Variants in PDE4D observed in about 807,000 individuals in gnomAD.
PDE4D encodes the protein phosphodiesterase 4D.
A neutral mutation model predicts 87.4 loss-of-function variants in PDE4D; 24 were observed. The observed-to-expected ratio is 0.27, with a 90% CI of 0.20 to 0.39. The LOEUF (loss-of-function observed/expected upper bound fraction) is 0.39. Among genes scored for constraint, PDE4D ranks in the 10% least tolerant of loss-of-function variants. PDE4D has a pLI of 1.00. For missense variants in PDE4D, 714 were observed against 1,041.0 expected (o/e 0.69, Z 4.32); for synonymous variants, 384 against 383.2 (o/e 1.00, Z -0.02).
At chr5:60,310,428 G>A (rs1035229426) in intron 1 of PDE4D, among the ~76,000 whole-genome samples, 1 of 152,170 alleles carries the variant, frequency 6.6e-6, no homozygotes, top group Non-Finnish European at 1.5e-5. Context: ...ACTTGGAGAA[G>A]GGAAGGTTTA....
At chr5:59,566,356 G>T (rs1291078380) in intron 1 of PDE4D, among the ~76,000 whole-genome samples, 1 of 152,026 alleles carries the variant, frequency 6.6e-6, no homozygotes, top group Non-Finnish European at 1.5e-5. Flanking sequence ...ACCACATAAG[G>T]TTCTCTCTCT....
chr5:60,233,071 T>C (rs897579783), intron 1 of PDE4D, among the ~76,000 whole-genome samples: 3 of 151,628 alleles, frequency 2.0e-5, no homozygotes, highest in African/African-American at 7.3e-5. Context: ...TCCATATAAA[T>C]ACCTCAAAGT....
At chr5:59,967,548 A>G (rs547441999) in intron 3 of PDE4D, among the ~76,000 whole-genome samples, 65 of 152,252 alleles carry the variant, frequency 4.3e-4, no homozygotes, top group South Asian at 1.5e-3. Context: ...AAACCACAAT[A>G]AGATACCATC....
At chr5:60,372,145 T>G (rs564232898) in intron 1 of PDE4D, among the ~76,000 whole-genome samples, 7,422 of 152,216 alleles carry the variant, frequency 0.049, 246 homozygotes, top group Non-Finnish European at 0.07. Context: ...TGTCAGTCTT[T>G]TTTATTTTAG....
At position 58,969,230 on chromosome 5, in the gene PDE4D, G is replaced by C. The variant is rs2153284003; in HGVS notation, c.*5434C>G. 6.6e-6 allele frequency: 1 copy of C among 152,276 alleles called. No homozygotes were observed. Among genetic ancestry groups the C allele is most frequent in the Non-Finnish European group, 1.5e-5 (1 of 68,026 alleles). 9.4% of individuals were successfully genotyped at this position (152,276 alleles called of 1,614,324 possible). A position where few individuals can be genotyped will look rare whatever the true frequency, so the allele number is the denominator to read the frequency against. On this transcript the variant is annotated 3_prime_UTR_variant, in exon 15 of 15. Transcript: ENST00000340635. ...CTCATGGAGCTGTGGTCTGGTGGGA[G>C]AGACAGATAACAAAAACAAACACGT...
intron 1 of PDE4D, among the ~76,000 whole-genome samples, chr5:59,604,776 G>A (rs1352353295): frequency 6.6e-6 from 1 of 151,934 alleles, no homozygotes; most frequent in African/African-American, 2.4e-5. Context: ...CAGATTGTGA[G>A]GGGGTGGGAA....
intron 1 of PDE4D, among the ~76,000 whole-genome samples, chr5:59,252,119 T>C (rs1581614260): frequency 6.6e-6 from 1 of 152,116 alleles, no homozygotes; most frequent in African/African-American, 2.4e-5. Context: ...AACCAACCCC[T>C]GTGACATGAG....
At chr5:60,227,254 C>T (rs752687876) in intron 1 of PDE4D, among the ~76,000 whole-genome samples, 42 of 151,980 alleles carry the variant, frequency 2.8e-4, no homozygotes, top group Non-Finnish European at 5.1e-4. Context: ...GTGGATATGC[C>T]TAATATATGA....
rs116696924 is a variant in PDE4D at position 60,284,115 on chromosome 5, C to T, written c.-89-98428G>A. ...ACAAATTTCTGTTAAAATTGTCATG[C>T]AAAATAACTAAATAGTACACTTTGG... On this transcript the variant is annotated intron_variant, in intron 1 of 16. Transcript: ENST00000502484. 2.6e-5 allele frequency among the ~76,000 whole-genome samples: 4 copies of T among 152,038 alleles called. No homozygotes were observed. In the East Asian group the frequency reaches 7.7e-4, roughly 29 times the overall value.
intron 5 of PDE4D, among the ~76,000 whole-genome samples, chr5:59,156,331 A>ATATATATATATATCTG (rs1384479557): frequency 8.1e-6 from 1 of 122,768 alleles, no homozygotes; most frequent in African/African-American, 3.4e-5. Flanking sequence ...ATATATATAT[A>ATATATATATATATCTG]TGTGTGTGTG....
chr5:59,761,525 T>C (rs1761965279), intron 1 of PDE4D, among the ~76,000 whole-genome samples: 4 of 152,286 alleles, frequency 2.6e-5, no homozygotes, highest in Admixed American at 2.0e-4. Context: ...TATATCTTTA[T>C]TCTATAAGCT....
intron 1 of PDE4D, among the ~76,000 whole-genome samples, chr5:59,662,505 C>G (rs1358804494): frequency 6.6e-6 from 1 of 152,152 alleles, no homozygotes; most frequent in Non-Finnish European, 1.5e-5. Context: ...AATCTTATTA[C>G]TCATAAAGTT....
At chr5:59,941,349 G>C (rs1329183157) in intron 3 of PDE4D, among the ~76,000 whole-genome samples, 1 of 152,136 alleles carries the variant, frequency 6.6e-6, no homozygotes, top group African/African-American at 2.4e-5. Context: ...ACCTTATATT[G>C]TTCAACACAC....
chr5:59,892,482 T>C (rs549267510), intron 1 of PDE4D, among the ~76,000 whole-genome samples: 6 of 152,066 alleles, frequency 3.9e-5, no homozygotes, highest in Non-Finnish European at 7.4e-5. Flanking sequence ...TCCCACAGCG[T>C]CCTCGCTCCT....
intron 1 of PDE4D, among the ~76,000 whole-genome samples, chr5:59,227,500 C>A (rs1265549704): frequency 1.3e-5 from 2 of 152,028 alleles, no homozygotes; most frequent in Admixed American, 6.6e-5. Flanking sequence ...ATTGTATTAC[C>A]TGACAAAAGT....
At chr5:59,223,923 A>G (rs1753106438) in intron 1 of PDE4D, among the ~76,000 whole-genome samples, 1 of 151,978 alleles carries the variant, frequency 6.6e-6, no homozygotes, top group South Asian at 2.1e-4. Flanking sequence ...TATAATATAT[A>G]TATTTGCACA....
At chr5:59,939,583 T>C (rs6874331) in intron 3 of PDE4D, among the ~76,000 whole-genome samples, 133,482 of 152,166 alleles carry the variant, frequency 0.88, 58,720 homozygotes, top group East Asian at 0.98. Context: ...GAGAAGGCCT[T>C]TCTGAGGAAG....
Position 59,855,073 on chromosome 5 carries a change from C to T in PDE4D, c.455+38095G>A, listed in dbSNP as rs570831991. Among the ~76,000 whole-genome samples the T allele has an allele frequency of 8.5e-4, 129 of 152,194 alleles. 1 individual carries two copies. The highest frequency in any genetic ancestry group is 2.7e-3 in the Admixed American group (41 of 15,282). ...AGTTCCTGGTAATGTTGCCAAAATG[C>T]GGGCTCTGATCCAGTAAGTCTAGAA... is the stretch of plus-strand genomic sequence containing the variant. On this transcript the variant is annotated intron_variant, in intron 1 of 14. Transcript: ENST00000340635.
chr5:59,767,615 C>A (rs1168429994), intron 1 of PDE4D, among the ~76,000 whole-genome samples: 1 of 152,084 alleles, frequency 6.6e-6, no homozygotes, highest in East Asian at 1.9e-4. Context: ...GCAAAATGTT[C>A]TAACAATCCA....
Sources: gnomAD v4.1 joint callset for allele counts (sites outside exome capture counted in the v4.1 genomes callset) on GRCh38, gnomAD v4.1.1 for gene constraint, MANE v1.5 for transcripts, NCBI Gene and HGNC (gene_info 2026-07-23, HGNC 2026-07-21) for gene names.